Variants in SPATA16 observed in about 807,000 individuals in gnomAD.
SPATA16 encodes the protein spermatogenesis-associated protein 16.
A neutral mutation model predicts 63.3 loss-of-function variants in SPATA16; 36 were observed. That is an observed-to-expected ratio of 0.57 (90% confidence interval 0.44 to 0.75). The LOEUF (loss-of-function observed/expected upper bound fraction) is 0.75. Ranked by LOEUF, SPATA16 falls within the 30% of genes least tolerant of loss-of-function variation. The pLI is 0.00. For missense variants in SPATA16, 646 were observed against 679.3 expected (o/e 0.95, Z 0.54); for synonymous variants, 203 against 216.7 (o/e 0.94, Z 0.56).
intron 6 of SPATA16, among the ~76,000 whole-genome samples, chr3:172,926,159 G>A (rs1208711540): frequency 6.6e-6 from 1 of 150,584 alleles, no homozygotes. Flanking sequence ...AGCTTAAGAT[G>A]TAAGGAAATA....
chr3:173,029,984 A>G (rs372161458), intron 3 of SPATA16, among the ~76,000 whole-genome samples: 8 of 152,196 alleles, frequency 5.3e-5, no homozygotes, highest in African/African-American at 1.9e-4. Flanking sequence ...AAAAGCATTC[A>G]TAACAATGGG....
chr3:173,002,470 G>A (rs1168560501), intron 4 of SPATA16, among the ~76,000 whole-genome samples: 2 of 152,288 alleles, frequency 1.3e-5, no homozygotes, highest in South Asian at 4.2e-4. Context: ...TGGAACTAAT[G>A]CCAGTCTTGG....
intron 7 of SPATA16, 144 bp from the exon 8 acceptor site, chr3:172,924,461 T>G: frequency 1.6e-6 from 1 of 636,742 alleles, no homozygotes; most frequent in Non-Finnish European, 2.7e-6. Flanking sequence ...CCCTAGACCA[T>G]ATGTATAACA....
At chr3:173,005,179 C>G (rs193225213) in intron 4 of SPATA16, among the ~76,000 whole-genome samples, 1 of 152,112 alleles carries the variant, frequency 6.6e-6, no homozygotes, top group East Asian at 1.9e-4. Flanking sequence ...AAAACGTCAA[C>G]CAGGCATGGT....
intron 2 of SPATA16, among the ~76,000 whole-genome samples, chr3:173,077,065 G>A (rs966898757): frequency 2.0e-5 from 3 of 152,080 alleles, no homozygotes; most frequent in Non-Finnish European, 2.9e-5. Context: ...CAATTTGGGT[G>A]GCCAGTCTCC....
intron 4 of SPATA16, among the ~76,000 whole-genome samples, chr3:172,993,283 G>T (rs1480293853): frequency 6.6e-6 from 1 of 151,872 alleles, no homozygotes; most frequent in East Asian, 1.9e-4. Flanking sequence ...AAGCTCACAG[G>T]CAATGGATGG....
chr3:173,068,731 A>G (rs1380303268), intron 2 of SPATA16, among the ~76,000 whole-genome samples: 2 of 152,134 alleles, frequency 1.3e-5, no homozygotes, highest in East Asian at 1.9e-4. Flanking sequence ...GCCTACATCA[A>G]AAAAGTAGAA....
chr3:173,079,909 C>T (rs1736887677), intron 2 of SPATA16, among the ~76,000 whole-genome samples: 1 of 151,914 alleles, frequency 6.6e-6, no homozygotes, highest in African/African-American at 2.4e-5. Context: ...AAAGGAAAAC[C>T]AGCCTGCTGG....
intron 6 of SPATA16, among the ~76,000 whole-genome samples, chr3:172,932,091 T>C (rs186695791): frequency 7.2e-5 from 11 of 152,278 alleles, no homozygotes; most frequent in African/African-American, 2.6e-4. Context: ...ATTTGTTATG[T>C]AGTTAAATAT....
At chr3:173,060,963 CA>C (rs1736365537) in intron 2 of SPATA16, among the ~76,000 whole-genome samples, 1 of 152,128 alleles carries the variant, frequency 6.6e-6, no homozygotes, top group Non-Finnish European at 1.5e-5. Flanking sequence ...TAATCCAAGC[CA>C]AATGATTGCT....
At chr3:172,988,760 C>G (rs1404332192) in intron 4 of SPATA16, among the ~76,000 whole-genome samples, 1 of 152,184 alleles carries the variant, frequency 6.6e-6, no homozygotes, top group Non-Finnish European at 1.5e-5. Context: ...CCTCAGCCTC[C>G]CGAGTAGCTG....
intron 5 of SPATA16, among the ~76,000 whole-genome samples, chr3:172,961,831 T>G (rs1371699525): frequency 6.6e-6 from 1 of 152,316 alleles, no homozygotes; most frequent in East Asian, 1.9e-4. Flanking sequence ...CAGACTCCCT[T>G]ACAATGAATT....
At chr3:172,997,056 T>C (rs1229902053) in intron 4 of SPATA16, among the ~76,000 whole-genome samples, 1 of 152,172 alleles carries the variant, frequency 6.6e-6, no homozygotes, top group Non-Finnish European at 1.5e-5. Context: ...TTGGTTGCAC[T>C]TATGTGTCTG....
At chr3:172,959,312 G>A (rs773171676) in intron 5 of SPATA16, among the ~76,000 whole-genome samples, 1 of 152,238 alleles carries the variant, frequency 6.6e-6, no homozygotes, top group Non-Finnish European at 1.5e-5. Flanking sequence ...TGGCAGAAGT[G>A]TAGGTTTTCA....
rs952240025 is a variant in SPATA16, at chr3:172,891,418, T to C, written c.1588-1726A>G. ...AATAAAAGAATTCCGCTGAATTAAC[T>C]GGGCAGGTCCAGAGCACATACTATG... On this transcript the variant is annotated intron_variant, in intron 10 of 10. Coordinates refer to ENST00000351008, the MANE Select transcript of SPATA16 (RefSeq NM_031955.6). 2.0e-5 allele frequency among the ~76,000 whole-genome samples: 3 copies of C among 152,200 alleles called. 1 individual carries two copies. The highest frequency in any genetic ancestry group is 1.3e-4 in the Admixed American group (2 of 15,276).
At chr3:173,024,731 A>T (rs905776810) in intron 3 of SPATA16, among the ~76,000 whole-genome samples, 1 of 150,752 alleles carries the variant, frequency 6.6e-6, no homozygotes, top group African/African-American at 2.4e-5. Context: ...AATCAAACTG[A>T]TATTAGGTTT....
chr3:173,108,274 A>C (rs1168661150), intron 2 of SPATA16, among the ~76,000 whole-genome samples: 2 of 152,160 alleles, frequency 1.3e-5, no homozygotes, highest in Non-Finnish European at 2.9e-5. Context: ...TCATTAAGTA[A>C]GTTAATTTGT....
In SPATA16 at chr3:173,033,942, T is replaced by C. The variant is rs554884798; in HGVS notation, c.759-14367A>G. 1.7e-4 allele frequency among the ~76,000 whole-genome samples: 26 copies of C among 152,212 alleles called. No individual in the cohort carries two copies. In the South Asian group the frequency reaches 4.8e-3, roughly 28 times the overall value. On this transcript the variant is annotated intron_variant, in intron 3 of 10. Coordinates refer to ENST00000351008, the MANE Select transcript of SPATA16 (RefSeq NM_031955.6). ...CTGATCTTGAACTCCTGATCTCAAG[T>C]GATCTGTCTGCCTCAGCCTCCCAAA... is the stretch of plus-strand genomic sequence containing the variant.
intron 2 of SPATA16, among the ~76,000 whole-genome samples, chr3:173,109,553 A>G (rs930016121): frequency 6.6e-6 from 1 of 152,150 alleles, no homozygotes; most frequent in Non-Finnish European, 1.5e-5. Flanking sequence ...ACTCTCATCT[A>G]TGTATCTTAA....
Sources: gnomAD v4.1 joint callset for allele counts (sites outside exome capture counted in the v4.1 genomes callset) on GRCh38, gnomAD v4.1.1 for gene constraint, MANE v1.5 for transcripts, NCBI Gene and HGNC (gene_info 2026-07-23, HGNC 2026-07-21) for gene names.